IGSF21: variants seen among roughly 807,000 people sequenced by gnomAD.
The protein encoded by IGSF21 is immunoglobulin superfamily member 21.
In IGSF21, 28 loss-of-function variants were observed where a neutral mutation model predicts 46.8. The ratio of observed to expected loss-of-function variants is 0.60; its 90% CI spans 0.44 to 0.82. The LOEUF (loss-of-function observed/expected upper bound fraction) is 0.82. Among genes scored for constraint, IGSF21 ranks in the 40% least tolerant of loss-of-function variants. IGSF21 has a pLI of 0.00. For missense variants in IGSF21, 624 were observed against 665.5 expected, an observed-to-expected ratio of 0.94 and a Z score of 0.69; for synonymous variants, 284 against 273.6, an observed-to-expected ratio of 1.04 and a Z score of -0.38.
rs554223513 is a variant in IGSF21, at chr1:18,184,156, C to CA, written c.71-43739dup. 6.2e-4 allele frequency among the ~76,000 whole-genome samples: 95 copies of CA among 152,314 alleles called. 1 individual carries two copies. The East Asian group carries it at 0.014, about 23-fold the overall frequency. ...ATTTCCCCACCAAAAAAGCAGATAT[C>CA]AAACATAGCCCATTCAATGACATAA... On this transcript the variant is annotated intron_variant, in intron 1 of 9. Transcript: ENST00000251296.
chr1:18,239,968 A>T lies in IGSF21; in HGVS notation c.183+11958A>T, dbSNP rs1204658888. On this transcript the variant is annotated intron_variant, in intron 2 of 9. Coordinates refer to ENST00000251296, the MANE Select transcript of IGSF21 (RefSeq NM_032880.5). ...AACTAGTGCCAAGCCTTGGGAATAG[A>T]GCACAGAATAAGAACAATGGGCTGG... 2.6e-5 allele frequency among the ~76,000 whole-genome samples: 4 copies of T among 152,206 alleles called. No homozygotes were observed. In the East Asian group the frequency reaches 7.7e-4, roughly 29 times the overall value.
chr1:18,362,280 G>A, intron 5 of IGSF21, 50 bp downstream of exon 5: 1 of 1,338,882 alleles, frequency 7.5e-7, no homozygotes, highest in Non-Finnish European at 1.1e-6. Flanking sequence ...GGACCACCCT[G>A]CTTCGGGGCT....
chr1:18,343,364 C>A (rs2085862137), intron 4 of IGSF21, among the ~76,000 whole-genome samples: 1 of 152,192 alleles, frequency 6.6e-6, no homozygotes, highest in Non-Finnish European at 1.5e-5. Context: ...TCAGGTGTAT[C>A]ATCTGCATAT....
intron 1 of IGSF21, among the ~76,000 whole-genome samples, chr1:18,171,631 G>A (rs534239240): frequency 6.6e-5 from 10 of 152,312 alleles, no homozygotes; most frequent in South Asian, 2.1e-4. Context: ...TTGTCATGCA[G>A]AACCATTGAG....
At chr1:18,339,291 T>C (rs1005829412) in intron 4 of IGSF21, among the ~76,000 whole-genome samples, 1 of 152,174 alleles carries the variant, frequency 6.6e-6, no homozygotes, top group African/African-American at 2.4e-5. Context: ...AGCACGTACT[T>C]ATACAGCAGC....
intron 2 of IGSF21, among the ~76,000 whole-genome samples, chr1:18,254,354 TCA>T (rs2084870114): frequency 8.4e-6 from 1 of 118,808 alleles, no homozygotes; most frequent in Non-Finnish European, 1.8e-5. Context: ...AGCGAATGGC[TCA>T]AAACCCTAAC....
intron 3 of IGSF21, among the ~76,000 whole-genome samples, chr1:18,292,474 G>A (rs1557628639): frequency 1.3e-5 from 2 of 152,210 alleles, no homozygotes; most frequent in Admixed American, 6.5e-5. Flanking sequence ...CAGGTCAGAA[G>A]CAGCAGGGTG....
chr1:18,183,386 C>A (rs772694134), intron 1 of IGSF21, among the ~76,000 whole-genome samples: 1 of 152,140 alleles, frequency 6.6e-6, no homozygotes, highest in Non-Finnish European at 1.5e-5. Flanking sequence ...GTAAATTAAA[C>A]CTCAAGGTAG....
At position 18,268,654 on chromosome 1, in the gene IGSF21, G is replaced by A. The variant is rs537796701; in HGVS notation, c.184-23212G>A. On this transcript the variant is annotated intron_variant, in intron 2 of 9. Transcript: ENST00000251296. ...GTGGTCACCAATGTGCCTTGGGAGT[G>A]GGGGAAGTTATTTGTCAGAACTTGC... Among the ~76,000 whole-genome samples, 93 of 152,338 alleles carry A rather than the reference G, an allele frequency of 6.1e-4. 1 individual carries two copies. In the South Asian group the frequency reaches 0.018, roughly 29 times the overall value.
Position 18,335,003 on chromosome 1 carries a change from C to T in IGSF21, c.417C>T (p.Asn139=), listed in dbSNP as rs369333329. The stretch of plus-strand genomic sequence containing the variant: ...TGGCATCAGGCAACATCTTCCTCAA[C>T]GTCATGGGTGAGTGCAGGGCCACTG... The part of the protein sequence containing the change: ...VVLASGNIFL[N]VMAPPTSIEV... The change falls in exon 4 of 10, where the codon AAC becomes AAT. Residue 139 remains asparagine (N), a synonymous_variant. Transcript: ENST00000251296. The surrounding 1 kb of genome is among the most constrained non-coding windows in gnomAD (Gnocchi z 4.8). 8.4e-5 allele frequency: 136 copies of T among 1,612,666 alleles called. No homozygotes were observed. Among genetic ancestry groups the T allele is most frequent in the African/African-American group, 1.5e-4 (11 of 74,930 alleles).
At chr1:18,177,392 G>GGGGTGT (rs1553151723) in intron 1 of IGSF21, among the ~76,000 whole-genome samples, 1 of 125,078 alleles carries the variant, frequency 8.0e-6, no homozygotes, top group East Asian at 2.5e-4. Flanking sequence ...GGGTCAGTGA[G>GGGGTGT]GTGTGTGTGT....
chr1:18,196,906 G>A (rs997697380), intron 1 of IGSF21, among the ~76,000 whole-genome samples: 1 of 152,096 alleles, frequency 6.6e-6, no homozygotes, highest in Non-Finnish European at 1.5e-5. Flanking sequence ...TGGGGGAGCC[G>A]CCCCGTGCCC....
At chr1:18,181,005 T>C (rs2086851838) in intron 1 of IGSF21, among the ~76,000 whole-genome samples, 1 of 152,168 alleles carries the variant, frequency 6.6e-6, no homozygotes, top group South Asian at 2.1e-4. Flanking sequence ...TCCCCCTCTG[T>C]AAAGGAGGGA....
At chr1:18,299,998 G>A (rs953905196) in intron 3 of IGSF21, among the ~76,000 whole-genome samples, 1 of 152,160 alleles carries the variant, frequency 6.6e-6, no homozygotes, top group African/African-American at 2.4e-5. Flanking sequence ...GCTGAGGTGG[G>A]AGGATCACTT....
intron 1 of IGSF21, 145 bp downstream of exon 1, chr1:18,108,343 G>A: frequency 1.2e-6 from 1 of 822,312 alleles, no homozygotes; most frequent in Non-Finnish European, 1.6e-6. Context: ...TGGTTGGCTC[G>A]ATGAGGGAGG....
chr1:18,269,094 G>A (rs549175040), intron 2 of IGSF21, among the ~76,000 whole-genome samples: 39 of 152,328 alleles, frequency 2.6e-4, no homozygotes, highest in Admixed American at 5.2e-4. Context: ...CACATGGGGC[G>A]CAGGAGGAGC....
At chr1:18,210,785 A>G (rs921330191) in intron 1 of IGSF21, among the ~76,000 whole-genome samples, 10 of 152,180 alleles carry the variant, frequency 6.6e-5, no homozygotes, top group Non-Finnish European at 1.3e-4. Flanking sequence ...AAATGTCTTC[A>G]GACATTGCCA....
intron 1 of IGSF21, among the ~76,000 whole-genome samples, chr1:18,226,662 G>A (rs1375325723): frequency 6.6e-6 from 1 of 152,206 alleles, no homozygotes; most frequent in African/African-American, 2.4e-5. Context: ...TTCTTGTTTT[G>A]TTTTGTTTTT....
At chr1:18,245,782 T>A in intron 2 of IGSF21, among the ~76,000 whole-genome samples, 1 of 152,172 alleles carries the variant, frequency 6.6e-6, no homozygotes, top group Non-Finnish European at 1.5e-5. Flanking sequence ...TGGAGTACCC[T>A]CTTCAGCTGG....
Sources: gnomAD v4.1 joint callset for allele counts (sites outside exome capture counted in the v4.1 genomes callset) on GRCh38, gnomAD v4.1.1 for gene constraint, Gnocchi (gnomAD v3.1) non-coding constraint, MANE v1.5 for transcripts, NCBI Gene and HGNC (gene_info 2026-07-23, HGNC 2026-07-21) for gene names.